Variants in LINGO2 observed in about 807,000 individuals in gnomAD.
The protein encoded by LINGO2 is leucine rich repeat and Ig domain containing 2.
Under a neutral mutation model 30.6 loss-of-function variants are expected in LINGO2, and 14 were observed. The observed-to-expected ratio is 0.46, with a 90% CI of 0.30 to 0.72. The LOEUF is 0.72. Among genes scored for constraint, LINGO2 ranks in the 30% least tolerant of loss-of-function variants. The pLI is 0.07. For synonymous variants in LINGO2, 317 were observed against 288.5 expected, an observed-to-expected ratio of 1.10 and a Z score of -1.00; for missense variants, 729 against 751.7, an observed-to-expected ratio of 0.97 and a Z score of 0.35.
chr9:28,531,637 T>G (rs1821241366), intron 1 of LINGO2, among the ~76,000 whole-genome samples: 1 of 152,172 alleles, frequency 6.6e-6, no homozygotes, highest in Non-Finnish European at 1.5e-5. Flanking sequence ...CAGAAATATT[T>G]ATATAAAAAT....
chr9:28,048,029 T>G (rs1203956055), intron 4 of LINGO2, among the ~76,000 whole-genome samples: 1 of 145,520 alleles, frequency 6.9e-6, no homozygotes, highest in African/African-American at 2.8e-5. Flanking sequence ...ACATTAGACA[T>G]TAAACTTACA....
At chr9:28,422,709 A>C (rs1368888436) in intron 2 of LINGO2, among the ~76,000 whole-genome samples, 2 of 152,116 alleles carry the variant, frequency 1.3e-5, no homozygotes, top group Non-Finnish European at 2.9e-5. Context: ...TTTTGAAGAG[A>C]CATTTGTATA....
chr9:28,690,221 GA>G, the LINGO2 span, among the ~76,000 whole-genome samples: 1 of 151,926 alleles, frequency 6.6e-6, no homozygotes, highest in Non-Finnish European at 1.5e-5. Context: ...ATGTACCCCT[GA>G]AGTTAAAATA....
chr9:29,043,410 T>C, the LINGO2 span, among the ~76,000 whole-genome samples: 1 of 151,982 alleles, frequency 6.6e-6, no homozygotes, highest in Non-Finnish European at 1.5e-5. Flanking sequence ...GATGAACAAA[T>C]TTTAAGAATC....
chr9:28,572,688 T>C (rs374743473), intron 1 of LINGO2, among the ~76,000 whole-genome samples: 39 of 152,218 alleles, frequency 2.6e-4, no homozygotes, highest in Middle Eastern at 6.8e-3. Flanking sequence ...CCGTGATTCA[T>C]TCATCCTTTT....
chr9:28,989,180 G>A, the LINGO2 span, among the ~76,000 whole-genome samples: 1 of 152,126 alleles, frequency 6.6e-6, no homozygotes, highest in Non-Finnish European at 1.5e-5. Context: ...TTCCATTCCT[G>A]TCCAGTGGGC....
upstream of LINGO2, among the ~76,000 whole-genome samples, chr9:28,673,837 A>G (rs555445782): frequency 6.6e-6 from 1 of 152,228 alleles, no homozygotes; most frequent in East Asian, 1.9e-4. Context: ...ACTTTAATCG[A>G]CACAATTCAA....
At chr9:28,194,478 A>G (rs1819936626) in intron 4 of LINGO2, among the ~76,000 whole-genome samples, 1 of 151,462 alleles carries the variant, frequency 6.6e-6, no homozygotes, top group Non-Finnish European at 1.5e-5. Flanking sequence ...TTTGAAGAGC[A>G]GTCTGACTCC....
intron 1 of LINGO2, among the ~76,000 whole-genome samples, chr9:28,519,039 T>G (rs1820733032): frequency 6.6e-6 from 1 of 152,166 alleles, no homozygotes; most frequent in South Asian, 2.1e-4. Flanking sequence ...TTGTTTGTTT[T>G]TTGTGTTTTG....
chr9:28,226,894 G>A lies in LINGO2; in HGVS notation c.-87+68314C>T, dbSNP rs574499268. On this transcript the variant is annotated intron_variant, in intron 4 of 5. Transcript: ENST00000379992. Reference sequence around the variant, plus strand: ...GCAATTTAAAGTGCAATTGACCTTAGTAAGTACTAAGCCAATTTTTCGTAC... The same window carrying A: ...GCAATTTAAAGTGCAATTGACCTTAATAAGTACTAAGCCAATTTTTCGTAC... 9.9e-5 allele frequency among the ~76,000 whole-genome samples: 15 copies of A among 152,206 alleles called. No individual in the cohort carries two copies. The East Asian group carries it at 2.5e-3, about 26-fold the overall frequency.
chr9:29,110,853 G>A, the LINGO2 span, among the ~76,000 whole-genome samples: 1 of 151,426 alleles, frequency 6.6e-6, no homozygotes, highest in Admixed American at 6.6e-5. Context: ...ACCACGCCCA[G>A]CTAATTTTTG....
chr9:29,090,720 G>A, the LINGO2 span, among the ~76,000 whole-genome samples: 3 of 151,804 alleles, frequency 2.0e-5, no homozygotes, highest in Non-Finnish European at 4.4e-5. Context: ...GGGGAGAAAT[G>A]GGTAATTATA....
At chr9:29,090,488 T>C in the LINGO2 span, among the ~76,000 whole-genome samples, 2 of 152,092 alleles carry the variant, frequency 1.3e-5, no homozygotes, top group Non-Finnish European at 2.9e-5. Context: ...TCTGATTCAT[T>C]TGTGTATCTC....
intron 2 of LINGO2, among the ~76,000 whole-genome samples, chr9:28,443,113 G>A (rs567719548): frequency 4.1e-4 from 62 of 152,230 alleles, no homozygotes; most frequent in Middle Eastern, 3.4e-3. Flanking sequence ...GAAAAATGAC[G>A]TAATAGGAAA....
chr9:28,707,422 C>A, the LINGO2 span, among the ~76,000 whole-genome samples: 5 of 152,102 alleles, frequency 3.3e-5, no homozygotes, highest in African/African-American at 7.2e-5. Flanking sequence ...CTCCATCCAT[C>A]CTCCTGAAAT....
At chr9:29,054,845 C>T in the LINGO2 span, among the ~76,000 whole-genome samples, 2 of 152,004 alleles carry the variant, frequency 1.3e-5, no homozygotes, top group Non-Finnish European at 2.9e-5. Context: ...GAAAATTAGA[C>T]AGGATCAGAT....
intron 4 of LINGO2, among the ~76,000 whole-genome samples, chr9:28,173,197 T>A (rs929847091): frequency 7.9e-5 from 12 of 152,214 alleles, no homozygotes; most frequent in African/African-American, 2.9e-4. Context: ...TGTATCAGTG[T>A]ATTACACTAA....
At chr9:28,697,529 C>T in the LINGO2 span, among the ~76,000 whole-genome samples, 2 of 151,824 alleles carry the variant, frequency 1.3e-5, no homozygotes, top group Non-Finnish European at 2.9e-5. Context: ...CCACCTCCTT[C>T]TAAACCATAG....
chr9:28,805,749 G>C, the LINGO2 span, among the ~76,000 whole-genome samples: 27 of 152,256 alleles, frequency 1.8e-4, no homozygotes, highest in Non-Finnish European at 3.2e-4. Flanking sequence ...TCCCTGTACA[G>C]TGTATATTCC....
Sources: gnomAD v4.1 joint callset for allele counts (sites outside exome capture counted in the v4.1 genomes callset) on GRCh38, gnomAD v4.1.1 for gene constraint, MANE v1.5 for transcripts, NCBI Gene and HGNC (gene_info 2026-07-23, HGNC 2026-07-21) for gene names.